TENM2: variants seen among roughly 807,000 people sequenced by gnomAD.
TENM2 encodes the protein teneurin-2.
In TENM2, 52 loss-of-function variants were observed where a neutral mutation model predicts 245.2. The observed-to-expected ratio is 0.21, with a 90% CI of 0.17 to 0.27. TENM2 has a LOEUF of 0.27. TENM2 is among the 10% of genes least tolerant of loss of function. The pLI is 1.00. For synonymous variants in TENM2, 1,363 were observed against 1,438.9 expected (o/e 0.95, Z 1.19); for missense variants, 3,046 against 3,666.8 (o/e 0.83, Z 4.37).
chr5:167,667,042 T>C (rs1266866756), intron 2 of TENM2, among the ~76,000 whole-genome samples: 1 of 152,148 alleles, frequency 6.6e-6, no homozygotes, highest in East Asian at 1.9e-4. Context: ...TGTAAGACAC[T>C]CAAATATGAT....
intron 2 of TENM2, among the ~76,000 whole-genome samples, chr5:167,530,951 C>G (rs553114263): frequency 6.6e-6 from 1 of 152,302 alleles, no homozygotes; most frequent in South Asian, 2.1e-4. Context: ...GGGTACAGGA[C>G]TGGACTGAGC....
At chr5:167,678,741 T>C (rs1036830587) in intron 2 of TENM2, among the ~76,000 whole-genome samples, 15 of 152,080 alleles carry the variant, frequency 9.9e-5, no homozygotes, top group Non-Finnish European at 2.2e-4. Flanking sequence ...CAAGACGCCT[T>C]CTCTCACAGC....
intron 1 of TENM2, among the ~76,000 whole-genome samples, chr5:167,314,335 T>C (rs1452770933): frequency 6.6e-6 from 1 of 152,108 alleles, no homozygotes; most frequent in African/African-American, 2.4e-5. Context: ...ATTAAGTAGG[T>C]TGTTAATAAA....
chr5:167,227,016 C>T, the TENM2 span, among the ~76,000 whole-genome samples: 1 of 151,714 alleles, frequency 6.6e-6, no homozygotes. Flanking sequence ...TTAAGTATAG[C>T]TGCTCTTGCT....
In TENM2 at chr5:168,165,491, C is replaced by A. The variant is rs149487095; in HGVS notation, c.2569+2734C>A. ...TCTGGGGGACTGTCTCCCCAGCATA[C>A]CCTGCCTTACCCACCTCCCTCCCCA... On this transcript the variant is annotated intron_variant, in intron 13 of 28. Transcript: ENST00000518659. Among the ~76,000 whole-genome samples the A allele has an allele frequency of 1.6e-3, 247 of 152,200 alleles. 2 individuals are homozygous for A. Among genetic ancestry groups the A allele is most frequent in the African/African-American group, 4.6e-3 (189 of 41,520 alleles).
At chr5:167,621,866 T>A (rs1311659936) in intron 2 of TENM2, among the ~76,000 whole-genome samples, 2 of 152,054 alleles carry the variant, frequency 1.3e-5, no homozygotes, top group Admixed American at 1.3e-4. Flanking sequence ...TTTCTGAGAG[T>A]AGAGTTGTTA....
At chr5:167,705,104 C>T (rs112007625) in intron 2 of TENM2, among the ~76,000 whole-genome samples, 1,602 of 152,240 alleles carry the variant, frequency 0.011, 32 homozygotes, top group African/African-American at 0.037. Context: ...CTGCCTACCC[C>T]TGGGCTTTTT....
the TENM2 span, among the ~76,000 whole-genome samples, chr5:167,209,676 T>C: frequency 2.6e-5 from 4 of 152,200 alleles, no homozygotes; most frequent in African/African-American, 9.7e-5. Flanking sequence ...TCTTTCCTCA[T>C]GATTCCCCAT....
Position 167,930,333 on chromosome 5 carries a change from C to G in TENM2, c.713-22255C>G, listed in dbSNP as rs192526135. ...TAAATGTTTCAGTTTTCTATAGGAA[C>G]AAATAAGTTAGTGATAATATATGAA... On this transcript the variant is annotated intron_variant, in intron 3 of 28. Transcript: ENST00000518659. Among the ~76,000 whole-genome samples, 702 of 152,134 alleles carry G rather than the reference C, an allele frequency of 4.6e-3. 1 individual carries two copies. The highest frequency in any genetic ancestry group is 6.8e-3 in the Non-Finnish European group (464 of 68,010).
chr5:167,251,832 G>C, the TENM2 span, among the ~76,000 whole-genome samples: 2 of 152,068 alleles, frequency 1.3e-5, no homozygotes, highest in South Asian at 2.1e-4. Flanking sequence ...GTTCTGATAC[G>C]CAAAATTAGA....
intron 7 of TENM2, among the ~76,000 whole-genome samples, chr5:168,085,172 C>T (rs1256541792): frequency 1.3e-5 from 2 of 152,242 alleles, no homozygotes; most frequent in African/African-American, 4.8e-5. Flanking sequence ...TAACACACAT[C>T]AGCATTTGCT....
intron 2 of TENM2, among the ~76,000 whole-genome samples, chr5:167,579,757 T>C (rs1774960342): frequency 6.6e-6 from 1 of 152,208 alleles, no homozygotes; most frequent in Admixed American, 6.5e-5. Context: ...AGTTTACCTC[T>C]CTGCCCCCAT....
the TENM2 span, among the ~76,000 whole-genome samples, chr5:167,143,863 T>A: frequency 6.6e-6 from 1 of 152,188 alleles, no homozygotes; most frequent in Admixed American, 6.5e-5. Flanking sequence ...TTGCTTTGCC[T>A]GGCTTATATA....
At chr5:167,511,105 C>T (rs1213107035) in intron 2 of TENM2, among the ~76,000 whole-genome samples, 1 of 152,074 alleles carries the variant, frequency 6.6e-6, no homozygotes, top group Non-Finnish European at 1.5e-5. Context: ...ATACATAAAG[C>T]ACTGCAATAA....
intron 2 of TENM2, among the ~76,000 whole-genome samples, chr5:167,760,294 A>T (rs1312102361): frequency 6.6e-6 from 1 of 152,250 alleles, no homozygotes; most frequent in Non-Finnish European, 1.5e-5. Flanking sequence ...AGAGAAATTA[A>T]GTCATCCCAT....
chr5:167,732,673 A>G (rs1159489948), intron 2 of TENM2, among the ~76,000 whole-genome samples: 1 of 152,168 alleles, frequency 6.6e-6, no homozygotes, highest in Non-Finnish European at 1.5e-5. Context: ...GTGACACTTC[A>G]CTTTATTGTG....
At chr5:168,252,254 C>T (rs943847716) in intron 27 of TENM2, among the ~76,000 whole-genome samples, 42 of 151,624 alleles carry the variant, frequency 2.8e-4, no homozygotes, top group African/African-American at 5.1e-4. Context: ...GGTGCACACC[C>T]GTGGTCCCAG....
intron 2 of TENM2, among the ~76,000 whole-genome samples, chr5:167,464,260 G>A (rs1320949251): frequency 6.6e-6 from 1 of 152,126 alleles, no homozygotes; most frequent in Admixed American, 6.5e-5. Flanking sequence ...GAGAGAGAGA[G>A]AGAATGTGCA....
the TENM2 span, among the ~76,000 whole-genome samples, chr5:167,213,404 A>G: frequency 6.6e-6 from 1 of 152,274 alleles, no homozygotes; most frequent in African/African-American, 2.4e-5. Flanking sequence ...CAGAAGGGGT[A>G]AGGGAGTTAT....
Sources: allele counts gnomAD v4.1 joint callset (sites outside exome capture counted in the v4.1 genomes callset), GRCh38; gene constraint gnomAD v4.1.1; transcripts MANE v1.5; gene names NCBI Gene and HGNC (gene_info 2026-07-23, HGNC 2026-07-21).